Variants in NRXN3 observed in about 807,000 individuals in gnomAD.
NRXN3 encodes neurexin III.
NRXN3 carries 32 observed loss-of-function variants against 137.6 expected under a neutral mutation model. The ratio of observed to expected loss-of-function variants is 0.23; its 90% confidence interval spans 0.18 to 0.31. The LOEUF is 0.31. NRXN3 is among the 10% of genes least tolerant of loss of function. NRXN3 has a pLI of 1.00. For missense variants in NRXN3, 1,574 were observed against 2,062.5 expected (o/e 0.76, Z 4.59); for synonymous variants, 798 against 784.5 (o/e 1.02, Z -0.29).
intron 3 of NRXN3, among the ~76,000 whole-genome samples, chr14:78,295,687 C>A (rs952074894): frequency 5.3e-5 from 8 of 152,148 alleles, no homozygotes; most frequent in Admixed American, 2.0e-4. Context: ...AATTCTGATT[C>A]ATTAGGTCTT....
chr14:79,056,932 A>G (rs1206167826), intron 15 of NRXN3, among the ~76,000 whole-genome samples: 1 of 152,208 alleles, frequency 6.6e-6, no homozygotes, highest in Non-Finnish European at 1.5e-5. Context: ...AACATTGGAT[A>G]TTTATGTGAT....
intron 16 of NRXN3, among the ~76,000 whole-genome samples, chr14:79,565,959 C>T (rs2097547204): frequency 6.6e-6 from 1 of 152,094 alleles, no homozygotes; most frequent in Non-Finnish European, 1.5e-5. Flanking sequence ...CAAGAACAGG[C>T]ACAGAATACA....
Position 79,049,086 on chromosome 14 carries a change from A to ATAAT in NRXN3, c.3262+60946_3262+60949dup, listed in dbSNP as rs1555693967. ...AAAAAAAAAAAAAATAATAATAATAATAATAATAATATGATGGGGTGTGCT... is the reference window on the plus strand; with the variant it reads ...AAAAAAAAAAAAAATAATAATAATAATAATTAATAATAATATGATGGGGTGTGCT... On this transcript the variant is annotated intron_variant, in intron 15 of 20. Coordinates refer to ENST00000335750, the MANE Select transcript of NRXN3 (RefSeq NM_001330195.2). Among the ~76,000 whole-genome samples, 5 of 66,226 alleles carry ATAAT rather than the reference A, an allele frequency of 7.5e-5. 1 individual carries two copies. The highest frequency in any genetic ancestry group is 2.4e-4 in the African/African-American group (4 of 16,488). The allele number at this position is 66,226 out of a possible 152,430, so 43.4% of individuals were successfully genotyped here.
At chr14:78,458,192 CTA>C (rs2094807608) in intron 4 of NRXN3, among the ~76,000 whole-genome samples, 1 of 152,180 alleles carries the variant, frequency 6.6e-6, no homozygotes, top group Non-Finnish European at 1.5e-5. Context: ...GAGAGACACT[CTA>C]TTTCATTTCC....
At chr14:78,354,284 G>A (rs554681770) in intron 4 of NRXN3, among the ~76,000 whole-genome samples, 1 of 152,268 alleles carries the variant, frequency 6.6e-6, no homozygotes, top group South Asian at 2.1e-4. Flanking sequence ...AGCAGCCATA[G>A]GACCCAAAGC....
intron 15 of NRXN3, among the ~76,000 whole-genome samples, chr14:79,113,246 T>C (rs1458187518): frequency 6.6e-6 from 1 of 152,010 alleles, no homozygotes; most frequent in Non-Finnish European, 1.5e-5. Context: ...AAGGAATGGA[T>C]CATATTGACC....
intron 4 of NRXN3, among the ~76,000 whole-genome samples, chr14:78,309,659 C>G (rs2153541404): frequency 6.6e-6 from 1 of 152,228 alleles, no homozygotes; most frequent in Non-Finnish European, 1.5e-5. Flanking sequence ...TTACAAACCT[C>G]TGAGAAGGAA....
At chr14:78,614,997 A>G (rs1197606756) in intron 4 of NRXN3, 3 of 456,164 alleles carry the variant, frequency 6.6e-6, no homozygotes, top group African/African-American at 6.0e-5. Context: ...GCCTAAATGC[A>G]CCCCTCTACC....
chr14:78,242,205 C>T (rs1181602276), intron 1 of NRXN3, among the ~76,000 whole-genome samples, 186 bp from the exon 2 acceptor site: 4 of 152,078 alleles, frequency 2.6e-5, no homozygotes, highest in African/African-American at 9.7e-5. Context: ...AGGACCTGGT[C>T]GTCTTGTAGT....
At chr14:78,798,254 A>T (rs1256777469) in intron 8 of NRXN3, among the ~76,000 whole-genome samples, 1 of 152,206 alleles carries the variant, frequency 6.6e-6, no homozygotes, top group Non-Finnish European at 1.5e-5. Context: ...GGCATTGCAT[A>T]AATATAGCCA....
At chr14:78,841,083 A>C (rs1050519050) in intron 10 of NRXN3, among the ~76,000 whole-genome samples, 4 of 152,034 alleles carry the variant, frequency 2.6e-5, no homozygotes, top group Non-Finnish European at 4.4e-5. Flanking sequence ...TACAATTAAA[A>C]CCCACTTACT....
At chr14:78,222,317 GGCACACACACACACATACACACACAC>G (rs1443245952) in intron 1 of NRXN3, among the ~76,000 whole-genome samples, 1 of 145,948 alleles carries the variant, frequency 6.9e-6, no homozygotes, top group Non-Finnish European at 1.5e-5. Flanking sequence ...AGGAATAAAG[GGCACACACACACACATACACACACAC>G]ACACACACAC....
At chr14:79,512,109 G>A (rs190336469) in intron 16 of NRXN3, among the ~76,000 whole-genome samples, 56 of 152,272 alleles carry the variant, frequency 3.7e-4, no homozygotes, top group African/African-American at 1.3e-3. Flanking sequence ...ATGTTGGTCA[G>A]GCTGATCTTG....
chr14:79,202,763 C>T (rs1203133219), intron 15 of NRXN3, among the ~76,000 whole-genome samples: 1 of 152,096 alleles, frequency 6.6e-6, no homozygotes, highest in Non-Finnish European at 1.5e-5. Context: ...ACCACAGTTT[C>T]TTTATCCACT....
chr14:79,489,944 CAGG>C (rs1206365450), intron 16 of NRXN3, among the ~76,000 whole-genome samples: 1 of 145,878 alleles, frequency 6.9e-6, no homozygotes, highest in Non-Finnish European at 1.5e-5. Context: ...GAGGCTGAGG[CAGG>C]AGAATGGCGT....
rs1332803855 is a variant in NRXN3 at position 78,439,908 on chromosome 14, C to T, written c.757+142048C>T. ...CTCTTCCTCCTTCTATTCCAGTCTGCCTACTCCTACCCTGATCTGGACCCC... is the reference window on the plus strand; with the variant it reads ...CTCTTCCTCCTTCTATTCCAGTCTGTCTACTCCTACCCTGATCTGGACCCC... On this transcript the variant is annotated intron_variant, in intron 4 of 20. Transcript: ENST00000335750. 2.0e-5 allele frequency among the ~76,000 whole-genome samples: 3 copies of T among 152,146 alleles called. No individual in the cohort carries two copies. The East Asian group carries it at 5.8e-4, about 29-fold the overall frequency.
At chr14:78,221,770 C>T (rs1463580754) in intron 1 of NRXN3, among the ~76,000 whole-genome samples, 1 of 152,030 alleles carries the variant, frequency 6.6e-6, no homozygotes, top group Non-Finnish European at 1.5e-5. Context: ...AACTGGTGGG[C>T]TAGAACAGGC....
At chr14:79,536,441 CT>C (rs2097212026) in intron 16 of NRXN3, among the ~76,000 whole-genome samples, 2 of 151,574 alleles carry the variant, frequency 1.3e-5, no homozygotes, top group South Asian at 2.1e-4. Flanking sequence ...TTAATATTCC[CT>C]TTTTTTATTA....
chr14:78,434,056 A>G (rs1453380021), intron 4 of NRXN3, among the ~76,000 whole-genome samples: 1 of 152,228 alleles, frequency 6.6e-6, no homozygotes, highest in Non-Finnish European at 1.5e-5. Context: ...ATGTTACCTT[A>G]CAATTGGGCA....
Sources: gnomAD v4.1 joint callset for allele counts (sites outside exome capture counted in the v4.1 genomes callset) on GRCh38, gnomAD v4.1.1 for gene constraint, MANE v1.5 for transcripts, NCBI Gene and HGNC (gene_info 2026-07-23, HGNC 2026-07-21) for gene names.